Variants in PSME3IP1 observed in about 807,000 individuals in gnomAD.
The protein encoded by PSME3IP1 is proteasome activator subunit 3 interacting protein 1.
PSME3IP1 carries 13 observed loss-of-function variants against 34.1 expected under a neutral mutation model. That is an observed-to-expected ratio of 0.38 (90% CI 0.25 to 0.61). PSME3IP1 has a LOEUF of 0.61. PSME3IP1 is among the 20% of genes least tolerant of loss of function. PSME3IP1 has a pLI of 0.60. For missense variants in PSME3IP1, 237 were observed against 301.4 expected (o/e 0.79, Z 1.58); for synonymous variants, 93 against 114.3 (o/e 0.81, Z 1.19).
intron 2 of PSME3IP1, 50 bp downstream of exon 2, chr16:57,173,678 C>T (rs765405335): frequency 2.0e-4 from 327 of 1,602,376 alleles, no homozygotes; most frequent in Non-Finnish European, 2.7e-4. Context: ...ACCTACTCTG[C>T]AGGGTTGCTG....
At chr16:57,168,158 A>G (rs1786629757) in intron 4 of PSME3IP1, among the ~76,000 whole-genome samples, 1 of 152,188 alleles carries the variant, frequency 6.6e-6, no homozygotes. Context: ...CTTATTTAAG[A>G]TGCACTAGTG....
At chr16:57,184,670 T>C (rs573751294) in intron 1 of PSME3IP1, among the ~76,000 whole-genome samples, 103 of 152,392 alleles carry the variant, frequency 6.8e-4, no homozygotes, top group African/African-American at 2.5e-3. Flanking sequence ...TGGTTTTCAA[T>C]AGCTAAAGCA....
intron 6 of PSME3IP1, among the ~76,000 whole-genome samples, chr16:57,160,865 TC>T (rs1426184059): frequency 6.6e-6 from 1 of 152,144 alleles, no homozygotes; most frequent in Non-Finnish European, 1.5e-5. Flanking sequence ...TGATCAACCT[TC>T]CAGATCAAAC....
intron 1 of PSME3IP1, chr16:57,178,820 G>A (rs2073430134): frequency 4.1e-6 from 4 of 985,426 alleles, no homozygotes; most frequent in South Asian, 4.7e-5. Context: ...TGGAGACAGC[G>A]TTTTTGTTTG....
intron 4 of PSME3IP1, 75 bp downstream of exon 4, chr16:57,172,173 TTGA>T: frequency 6.7e-7 from 1 of 1,502,294 alleles, no homozygotes; most frequent in Non-Finnish European, 9.2e-7. Flanking sequence ...CCTCTTTCTG[TTGA>T]TGAGGAGACA....
At chr16:57,180,467 G>A (rs1380200656) in intron 1 of PSME3IP1, among the ~76,000 whole-genome samples, 1 of 152,066 alleles carries the variant, frequency 6.6e-6, no homozygotes, top group African/African-American at 2.4e-5. Context: ...ACATGTGCCT[G>A]TAATGCCAGC....
intron 6 of PSME3IP1, among the ~76,000 whole-genome samples, chr16:57,156,295 C>A (rs116033684): frequency 0.011 from 1,651 of 152,308 alleles, 34 homozygotes; most frequent in African/African-American, 0.038. Flanking sequence ...GGAGTTCATA[C>A]TTTGTTGCCA....
intron 4 of PSME3IP1, among the ~76,000 whole-genome samples, chr16:57,170,865 G>A (rs1447573483): frequency 6.6e-6 from 1 of 152,192 alleles, no homozygotes; most frequent in Non-Finnish European, 1.5e-5. Flanking sequence ...CTGAGGTAAC[G>A]AGTTCGAGAC....
At chr16:57,164,902 A>G (rs1157284905) in intron 5 of PSME3IP1, among the ~76,000 whole-genome samples, 2 of 152,062 alleles carry the variant, frequency 1.3e-5, no homozygotes, top group Admixed American at 6.6e-5. Flanking sequence ...AAGGTGGTGC[A>G]TGCCTGTAAT....
At chr16:57,165,900 A>G (rs2071816241) in intron 5 of PSME3IP1, among the ~76,000 whole-genome samples, 2 of 152,274 alleles carry the variant, frequency 1.3e-5, no homozygotes, top group Middle Eastern at 3.4e-3. Flanking sequence ...GAGCAGTCTC[A>G]AGGGATAACA....
In PSME3IP1 at chr16:57,164,956, G is replaced by A. The variant is rs148467839; in HGVS notation, c.483-891C>T. ...TGAGGCATGAGAATCGCTTGAACCC[G>A]GGAGGCACAGGTGTGCCAAGATTGC... On this transcript the variant is annotated intron_variant, in intron 5 of 6. Transcript: ENST00000309137. Among the ~76,000 whole-genome samples, 338 of 151,804 alleles carry A rather than the reference G, an allele frequency of 2.2e-3. 2 individuals are homozygous for A. The highest frequency in any genetic ancestry group is 7.5e-3 in the African/African-American group (310 of 41,352).
chr16:57,169,520 T>C (rs1212848169), intron 4 of PSME3IP1, among the ~76,000 whole-genome samples: 13 of 152,202 alleles, frequency 8.5e-5, no homozygotes, highest in African/African-American at 2.9e-4. Flanking sequence ...TCTTCAGTTT[T>C]TCTAGACAGA....
At chr16:57,158,101 G>T (rs1232536096) in intron 6 of PSME3IP1, among the ~76,000 whole-genome samples, 1 of 152,180 alleles carries the variant, frequency 6.6e-6, no homozygotes, top group Non-Finnish European at 1.5e-5. Flanking sequence ...GCAGGAAAAT[G>T]TGTCAGACAG....
In PSME3IP1 at chr16:57,170,972, C is replaced by G. The variant is rs576094502; in HGVS notation, c.348+1279G>C. Among the ~76,000 whole-genome samples, 11 of 152,178 alleles carry G rather than the reference C, an allele frequency of 7.2e-5. No individual in the cohort carries two copies. The South Asian group carries it at 1.2e-3, about 17-fold the overall frequency. On this transcript the variant is annotated intron_variant, in intron 4 of 6. Transcript: ENST00000309137. ...CCTGTAACCCCAGCTACTTGGGAGG[C>G]TGAGACAGGAGAATCGCTTGAACCC... is the stretch of plus-strand genomic sequence containing the variant.
At position 57,185,992 on chromosome 16, in the gene PSME3IP1, T is replaced by G. The variant is rs2146095631; in HGVS notation, c.-187A>C. On this transcript the variant is annotated 5_prime_UTR_variant, in exon 1 of 7. Transcript: ENST00000309137. ...AAAAAAAGAAAATAGCCTTTGCTTT[T>G]GTATTTCTTTTGACCCTTCAGGGCT... 1 of 985,150 alleles carries G rather than the reference T, an allele frequency of 1.0e-6. No individual in the cohort carries two copies. The highest frequency in any genetic ancestry group is 4.7e-5 in the South Asian group (1 of 21,278). 61.0% of individuals were successfully genotyped at this position (985,150 alleles called of 1,614,324 possible).
chr16:57,164,663 G>A (rs1034378002), intron 5 of PSME3IP1, among the ~76,000 whole-genome samples: 7 of 152,214 alleles, frequency 4.6e-5, no homozygotes, highest in Non-Finnish European at 7.3e-5. Flanking sequence ...TCACCTCTAA[G>A]ACTGGGGACA....
At chr16:57,155,733 G>A (rs1219100244) in intron 6 of PSME3IP1, among the ~76,000 whole-genome samples, 1 of 152,148 alleles carries the variant, frequency 6.6e-6, no homozygotes, top group African/African-American at 2.4e-5. Flanking sequence ...AATCCAGGAG[G>A]AGGCAGTGGT....
At chr16:57,185,548 G>C in intron 1 of PSME3IP1, 1 of 985,516 alleles carries the variant, frequency 1.0e-6, no homozygotes, top group Non-Finnish European at 1.2e-6. Context: ...GCCCTACCTA[G>C]CAGAAAATTG....
chr16:57,164,893 A>T (rs1377619218), intron 5 of PSME3IP1, among the ~76,000 whole-genome samples: 3 of 152,016 alleles, frequency 2.0e-5, no homozygotes, highest in African/African-American at 7.2e-5. Flanking sequence ...TAGCCAGGCA[A>T]GGTGGTGCAT....
Sources: gnomAD v4.1 joint callset for allele counts (sites outside exome capture counted in the v4.1 genomes callset) on GRCh38, gnomAD v4.1.1 for gene constraint, MANE v1.5 for transcripts, NCBI Gene and HGNC (gene_info 2026-07-23, HGNC 2026-07-21) for gene names.